Variants in ATP2A2 observed in about 807,000 individuals in gnomAD.
ATP2A2 encodes sarcoplasmic/endoplasmic reticulum calcium ATPase 2.
ATP2A2 carries 14 observed loss-of-function variants against 109.3 expected under a neutral mutation model. The ratio of observed to expected loss-of-function variants is 0.13; its 90% CI spans 0.08 to 0.20. The LOEUF (loss-of-function observed/expected upper bound fraction) is 0.20, where lower values mean the gene tolerates loss of function less well. Among genes scored for constraint, ATP2A2 ranks in the 10% least tolerant of loss-of-function variants. The probability of loss-of-function intolerance (pLI) is 1.00; values close to 1 mark genes in which losing one functional copy is unlikely to be tolerated. For synonymous variants in ATP2A2, 506 were observed against 490.9 expected (o/e 1.03, Z -0.41); for missense variants, 657 against 1,321.6 (o/e 0.50, Z 7.80).
At chr12:110,320,865 A>C (rs1877170347) in intron 5 of ATP2A2, among the ~76,000 whole-genome samples, 1 of 152,266 alleles carries the variant, frequency 6.6e-6, no homozygotes, top group Non-Finnish European at 1.5e-5. Context: ...AAATTAAAAA[A>C]GTAAACCATA....
intron 6 of ATP2A2, among the ~76,000 whole-genome samples, chr12:110,323,785 C>G (rs1359850642): frequency 6.6e-6 from 1 of 152,156 alleles, no homozygotes; most frequent in African/African-American, 2.4e-5. Context: ...GAGCAAGACT[C>G]TGTCTCCAAA....
At chr12:110,281,239 T>C (rs1872041506), upstream of ATP2A2, 1 of 151,034 alleles carries the variant, frequency 6.6e-6, no homozygotes, top group African/African-American at 2.4e-5. Context: ...CAGCGGCCGA[T>C]AAATGCTATT....
rs1333969260 is a variant in ATP2A2, at chr12:110,346,307, A to G, written c.2966A>G (p.Asn989Ser). The change falls in exon 20 of 20, where the codon AAC (asparagine) becomes AGC (serine). Residue 989 changes from asparagine (N) to serine (S), a missense_variant. Asn to Ser is a conservative substitution (Grantham distance 46). Coordinates refer to ENST00000539276, the MANE Select transcript of ATP2A2 (RefSeq NM_170665.4). ...GAGACGCTCAAGTTTGTGGCCCGCA[A>G]CTACCTGGAACCTGGTAAAGAGTGT... ...MDETLKFVAR[N>S]YLEPGKECVQ... 2 of 1,614,176 alleles carry G rather than the reference A, an allele frequency of 1.2e-6. No homozygotes were observed. The highest frequency in any genetic ancestry group is 2.2e-5 in the South Asian group (2 of 91,074).
chr12:110,306,641 G>A (rs1296546970), intron 5 of ATP2A2, among the ~76,000 whole-genome samples: 2 of 152,162 alleles, frequency 1.3e-5, no homozygotes, highest in African/African-American at 4.8e-5. Context: ...AACTCACTTA[G>A]GATAATAGTC....
intron 3 of ATP2A2, among the ~76,000 whole-genome samples, chr12:110,291,791 C>T (rs1181127765): frequency 2.6e-5 from 4 of 151,790 alleles, no homozygotes; most frequent in Non-Finnish European, 5.9e-5. Flanking sequence ...GGATTACAGG[C>T]ACCTACCACC....
chr12:110,304,569 C>T (rs544443534), intron 5 of ATP2A2, among the ~76,000 whole-genome samples: 8 of 152,238 alleles, frequency 5.3e-5, no homozygotes, highest in Admixed American at 3.9e-4. Context: ...TATTGTCCAT[C>T]GGTGTGTTTT....
At chr12:110,318,503 G>T (rs897724882) in intron 5 of ATP2A2, among the ~76,000 whole-genome samples, 6 of 152,114 alleles carry the variant, frequency 3.9e-5, no homozygotes, top group African/African-American at 1.4e-4. Flanking sequence ...TTTTGAGATG[G>T]AGTCTCGCCC....
intron 1 of ATP2A2, among the ~76,000 whole-genome samples, 200 bp downstream of exon 1, chr12:110,282,107 C>T (rs569460918): frequency 6.6e-6 from 1 of 152,206 alleles, no homozygotes; most frequent in Non-Finnish European, 1.5e-5. Flanking sequence ...CTTCGCTTCT[C>T]GGGCCCTCGA....
intron 5 of ATP2A2, among the ~76,000 whole-genome samples, chr12:110,316,898 T>A (rs561747236): frequency 6.6e-6 from 1 of 152,202 alleles, no homozygotes; most frequent in African/African-American, 2.4e-5. Flanking sequence ...GAGGCTGTTA[T>A]AAGCCCGGGT....
chr12:110,350,159 T>G lies in ATP2A2; in HGVS notation c.*3689T>G. ...GGACAGTAAATCAGAAATGCTGGTC[T>G]TGAAACCTTGAAAAGATCAAGCTGA... On this transcript the variant is annotated 3_prime_UTR_variant, in exon 20 of 20. Coordinates refer to ENST00000539276, the MANE Select transcript of ATP2A2 (RefSeq NM_170665.4). 1 of 1,577,942 alleles carries G rather than the reference T, an allele frequency of 6.3e-7. No individual in the cohort carries two copies. Among genetic ancestry groups the G allele is most frequent in the Admixed American group, 1.8e-5 (1 of 56,010 alleles).
At chr12:110,283,493 A>C (rs1265799062) in intron 3 of ATP2A2, among the ~76,000 whole-genome samples, 1 of 152,252 alleles carries the variant, frequency 6.6e-6, no homozygotes, top group Non-Finnish European at 1.5e-5. Flanking sequence ...AGTGAAATGC[A>C]AAGAACTACA....
chr12:110,343,688 T>C (rs957208782), intron 16 of ATP2A2, among the ~76,000 whole-genome samples: 75 of 152,162 alleles, frequency 4.9e-4, no homozygotes, highest in African/African-American at 1.5e-3. Flanking sequence ...GGTTTTCAGA[T>C]TGAGCCCTCT....
Position 110,349,962 on chromosome 12 carries a change from A to G in ATP2A2, c.*3492A>G. ...CTCCATCAACCTCACCCTCTGCACC[A>G]CTAACCAAGACCTTGTCCTCTTGCC... is the stretch of plus-strand genomic sequence containing the variant. On this transcript the variant is annotated 3_prime_UTR_variant, in exon 20 of 20. Coordinates refer to ENST00000539276, the MANE Select transcript of ATP2A2 (RefSeq NM_170665.4). 2 of 1,247,560 alleles carry G rather than the reference A, an allele frequency of 1.6e-6. No individual in the cohort carries two copies. The highest frequency in any genetic ancestry group is 2.0e-6 in the Non-Finnish European group (2 of 985,492). The allele number at this position is 1,247,560 out of a possible 1,614,324, so 77.3% of individuals were successfully genotyped here.
At chr12:110,326,090 C>T (rs1877773661) in intron 6 of ATP2A2, 2 of 420,326 alleles carry the variant, frequency 4.8e-6, no homozygotes, top group East Asian at 4.9e-5. Flanking sequence ...AAAATGATTA[C>T]TGAAAAATAA....
chr12:110,310,312 G>A (rs988689278), intron 5 of ATP2A2, among the ~76,000 whole-genome samples: 3 of 151,824 alleles, frequency 2.0e-5, no homozygotes, highest in African/African-American at 7.3e-5. Flanking sequence ...GTTTTTTTGA[G>A]ACAAGGTCTC....
Position 110,350,616 on chromosome 12 carries a change from C to T in ATP2A2, c.*4146C>T. ...TATCTAAGAACTTGGAAGCCGTCAG[C>T]CAAGTCGCCACATTTCTCTGCAAAA... On this transcript the variant is annotated 3_prime_UTR_variant, in exon 20 of 20. Transcript: ENST00000539276. 2.1e-6 allele frequency: 1 copy of T among 470,882 alleles called. No individual in the cohort carries two copies. Among genetic ancestry groups the T allele is most frequent in the Non-Finnish European group, 3.8e-6 (1 of 261,450 alleles). 29.2% of individuals were successfully genotyped at this position (470,882 alleles called of 1,614,324 possible).
In ATP2A2 at chr12:110,350,224, T is replaced by G; in HGVS notation, c.*3754T>G. On this transcript the variant is annotated 3_prime_UTR_variant, in exon 20 of 20. Coordinates refer to ENST00000539276, the MANE Select transcript of ATP2A2 (RefSeq NM_170665.4). The stretch of plus-strand genomic sequence containing the variant: ...CTGTCGCTGTTGATCTTCATCTATT[T>G]AAATAGGTATTCTAACGTTTCCTCT... 1.2e-6 allele frequency: 2 copies of G among 1,614,068 alleles called. No homozygotes were observed. Among genetic ancestry groups the G allele is most frequent in the Admixed American group, 3.3e-5 (2 of 59,990 alleles).
chr12:110,324,064 G>C (rs3024237), intron 6 of ATP2A2, among the ~76,000 whole-genome samples: 101 of 152,276 alleles, frequency 6.6e-4, no homozygotes, highest in African/African-American at 2.3e-3. Context: ...TCCCGTTTTT[G>C]TGTGATAAAA....
intron 5 of ATP2A2, among the ~76,000 whole-genome samples, chr12:110,310,047 A>C (rs1414444055): frequency 6.6e-6 from 1 of 152,218 alleles, no homozygotes; most frequent in African/African-American, 2.4e-5. Context: ...TAATCTTATA[A>C]GAAATGAACG....
Sources: allele counts gnomAD v4.1 joint callset (sites outside exome capture counted in the v4.1 genomes callset), GRCh38; gene constraint gnomAD v4.1.1; transcripts MANE v1.5; gene names NCBI Gene and HGNC (gene_info 2026-07-23, HGNC 2026-07-21).